Variants in ACSM1 observed in about 807,000 individuals in gnomAD.
ACSM1 encodes acyl-coenzyme A synthetase ACSM1, mitochondrial.
In ACSM1, 79 loss-of-function variants were observed where a neutral mutation model predicts 75.8. That is an observed-to-expected ratio of 1.04 (90% CI 0.87 to 1.26). The LOEUF is 1.26. Among genes scored for constraint, ACSM1 ranks in the 50% most tolerant of loss-of-function variants. ACSM1 has a pLI of 0.00. For missense variants in ACSM1, 676 were observed against 720.1 expected (o/e 0.94, Z 0.70); for synonymous variants, 279 against 265.8 (o/e 1.05, Z -0.48).
intron 13 of ACSM1, 66 bp from the exon 14 acceptor site, chr16:20,623,638 TCTC>T: frequency 6.8e-7 from 1 of 1,465,654 alleles, no homozygotes; most frequent in Non-Finnish European, 9.5e-7. Flanking sequence ...AATTCTCCAC[TCTC>T]CTCCTCTGCC....
At chr16:20,672,868 TATAAATATAAATATATATAATATATA>T (rs1246816781) in intron 4 of ACSM1, among the ~76,000 whole-genome samples, 4 of 129,870 alleles carry the variant, frequency 3.1e-5, no homozygotes, top group East Asian at 2.1e-4. Context: ...ATATATAATA[TATAAATATAAATATATATAATATATA>T]ATAAATATAA....
chr16:20,644,285 G>A (rs950784881), intron 7 of ACSM1, among the ~76,000 whole-genome samples: 1 of 152,166 alleles, frequency 6.6e-6, no homozygotes, highest in Non-Finnish European at 1.5e-5. Context: ...CTAATTGTGA[G>A]CACACCTCAC....
intron 4 of ACSM1, among the ~76,000 whole-genome samples, chr16:20,672,866 TATATA>T (rs1567296896): frequency 7.7e-6 from 1 of 130,060 alleles, no homozygotes; most frequent in Non-Finnish European, 1.5e-5. Flanking sequence ...TAATATATAA[TATATA>T]AATATAAATA....
chr16:20,627,273 T>TCCCC lies in ACSM1; in HGVS notation c.1342_1343insGGGG (p.Tyr448TrpfsTer9), dbSNP rs1180047319. ...CATCTTACCTCTGTCCCCAGTGTTG[T>TCCCC]AGAAGTCCCCACATTCCACTTTAGC... is the stretch of plus-strand genomic sequence containing the variant. On this transcript the variant is annotated frameshift_variant, in exon 11 of 14. Coordinates refer to ENST00000520010, the MANE Select transcript of ACSM1 (RefSeq NM_001318890.3). LOFTEE classifies it high-confidence loss of function. 6.3e-7 allele frequency: 1 copy of TCCCC among 1,586,936 alleles called. No homozygotes were observed. Among genetic ancestry groups the TCCCC allele is most frequent in the Non-Finnish European group, 8.6e-7 (1 of 1,168,778 alleles).
chr16:20,652,331 T>A (rs1043676954), intron 7 of ACSM1, among the ~76,000 whole-genome samples: 3 of 152,074 alleles, frequency 2.0e-5, no homozygotes, highest in Non-Finnish European at 4.4e-5. Context: ...AGGTAAAATA[T>A]CTTTGTCTAA....
intron 1 of ACSM1, among the ~76,000 whole-genome samples, chr16:20,692,870 G>A (rs1052698055): frequency 4.6e-5 from 7 of 152,090 alleles, no homozygotes; most frequent in Middle Eastern, 3.2e-3. Context: ...ATTTCAGCAA[G>A]ATAAAAAATT....
chr16:20,660,450 G>C (rs556548856), intron 7 of ACSM1, among the ~76,000 whole-genome samples: 3 of 152,114 alleles, frequency 2.0e-5, no homozygotes, highest in Non-Finnish European at 4.4e-5. Flanking sequence ...GTTCACTGAG[G>C]ATCTCTTCCT....
chr16:20,657,196 A>C (rs113613501), intron 7 of ACSM1, among the ~76,000 whole-genome samples: 21 of 152,326 alleles, frequency 1.4e-4, no homozygotes, highest in African/African-American at 5.1e-4. Flanking sequence ...AACAGAAACT[A>C]AGCTTACAGT....
chr16:20,626,476 G>A (rs2016931723), intron 11 of ACSM1, among the ~76,000 whole-genome samples: 1 of 152,128 alleles, frequency 6.6e-6, no homozygotes, highest in Non-Finnish European at 1.5e-5. Context: ...GGTAGGGACA[G>A]GGACTCAGAG....
At chr16:20,666,783 T>C (rs558903325) in intron 6 of ACSM1, among the ~76,000 whole-genome samples, 109 of 151,952 alleles carry the variant, frequency 7.2e-4, no homozygotes, top group African/African-American at 2.6e-3. Context: ...TGAAACACAA[T>C]AGAGAAGTCA....
intron 2 of ACSM1, among the ~76,000 whole-genome samples, chr16:20,689,789 G>T (rs915141247): frequency 2.6e-5 from 4 of 152,030 alleles, no homozygotes; most frequent in African/African-American, 9.7e-5. Context: ...TCTGGGCAAT[G>T]AAAAAAATGA....
Position 20,648,371 on chromosome 16 carries a change from C to A in ACSM1, c.993-7787G>T, listed in dbSNP as rs2018470943. ...TGTTTCTGGCCATGCTCTCAGTCTG[C>A]ATTCTTTACTGTAGCCTCAGGATGG... On this transcript the variant is annotated intron_variant, in intron 7 of 13. Coordinates refer to ENST00000520010, the MANE Select transcript of ACSM1 (RefSeq NM_001318890.3). This position sits in a 1 kb window ranked among gnomAD's most constrained non-coding sequence, Gnocchi z 4.2. Among the ~76,000 whole-genome samples, 1 of 152,154 alleles carries A rather than the reference C, an allele frequency of 6.6e-6. No homozygotes were observed. The highest frequency in any genetic ancestry group is 1.5e-5 in the Non-Finnish European group (1 of 68,036).
Position 20,686,978 on chromosome 16 carries a change from ATTTT to A in ACSM1, c.193-1579_193-1576del, listed in dbSNP as rs34041438. On this transcript the variant is annotated intron_variant, in intron 2 of 13. Coordinates refer to ENST00000520010, the MANE Select transcript of ACSM1 (RefSeq NM_001318890.3). ...ACTCAAAATGGTAGAAAATTTTGTG[ATTTT>A]TTTTTTTTTTTTTTGGTCACCATTG... Among the ~76,000 whole-genome samples the A allele has an allele frequency of 2.9e-3, 392 of 135,958 alleles. 6 individuals carry two copies. In the East Asian group the frequency reaches 0.05, roughly 17 times the overall value. The allele number at this position is 135,958 out of a possible 152,430, so 89.2% of individuals were successfully genotyped here. A position where few individuals can be genotyped will look rare whatever the true frequency, so the allele number is the denominator to read the frequency against.
chr16:20,625,512 C>G lies in ACSM1; in HGVS notation c.1438G>C (p.Gly480Arg), dbSNP rs145170042. The change falls in exon 12 of 14, where the codon GGG becomes CGG. Residue 480 changes from glycine to arginine, a missense_variant. Transcript: ENST00000520010. ...DIINASGYRI[G>R]PAEVESALVE... is the part of the protein sequence containing the mutation. ...AAAGCGCTTTCAACCTCTGCAGGCC[C>G]GATGCGATACCTGGAGGATGAAGGG... The G allele has an allele frequency of 3.7e-6, 6 of 1,613,948 alleles. No individual in the cohort carries two copies. The highest frequency in any genetic ancestry group is 3.3e-4 in the Middle Eastern group (2 of 6,060).
intron 1 of ACSM1, among the ~76,000 whole-genome samples, chr16:20,691,916 G>A (rs943482521): frequency 5.9e-5 from 9 of 152,026 alleles, no homozygotes; most frequent in Non-Finnish European, 8.8e-5. Flanking sequence ...CCCTACAGGC[G>A]AGAATGAAAC....
intron 4 of ACSM1, among the ~76,000 whole-genome samples, chr16:20,675,040 G>C (rs751282884): frequency 3.3e-5 from 5 of 152,210 alleles, no homozygotes; most frequent in Non-Finnish European, 7.3e-5. Flanking sequence ...GCAAGGAAGA[G>C]TTTGCTGGCA....
intron 10 of ACSM1, among the ~76,000 whole-genome samples, chr16:20,628,288 T>A (rs1209323790): frequency 1.3e-5 from 2 of 152,150 alleles, no homozygotes; most frequent in South Asian, 4.1e-4. Flanking sequence ...AGTCTTCAGA[T>A]GTCCCATTTC....
intron 8 of ACSM1, among the ~76,000 whole-genome samples, chr16:20,638,563 G>A (rs569402452): frequency 4.6e-5 from 7 of 152,308 alleles, no homozygotes; most frequent in South Asian, 4.1e-4. Context: ...TACAACAGGC[G>A]GGACACCAGC....
chr16:20,635,561 C>T (rs139518024), intron 10 of ACSM1, among the ~76,000 whole-genome samples: 1,599 of 151,708 alleles, frequency 0.011, 16 homozygotes, highest in South Asian at 0.022. Context: ...ATATGTGTTA[C>T]CCCATGTTTA....
Sources: allele counts gnomAD v4.1 joint callset (sites outside exome capture counted in the v4.1 genomes callset), GRCh38; gene constraint gnomAD v4.1.1; non-coding constraint Gnocchi (gnomAD v3.1); transcripts MANE v1.5; gene names NCBI Gene and HGNC (gene_info 2026-07-23, HGNC 2026-07-21).